The following FMNL2 variants were observed in gnomAD, a reference collection of about 807,000 sequenced individuals.
FMNL2 encodes the protein formin-like protein 2.
FMNL2 carries 51 observed loss-of-function variants against 130.2 expected under a neutral mutation model. The observed-to-expected ratio is 0.39, with a 90% confidence interval of 0.31 to 0.49. The LOEUF (loss-of-function observed/expected upper bound fraction) is 0.49. FMNL2 is among the 20% of genes least tolerant of loss of function. FMNL2 has a pLI of 0.85. For synonymous variants in FMNL2, 465 were observed against 467.1 expected, an observed-to-expected ratio of 1.00 and a Z score of 0.06; for missense variants, 977 against 1,316.2, an observed-to-expected ratio of 0.74 and a Z score of 3.99.
chr2:152,626,846 C>T (rs1175808995), intron 17 of FMNL2, 119 bp downstream of exon 17: 1 of 1,092,394 alleles, frequency 9.2e-7, no homozygotes, highest in Non-Finnish European at 1.3e-6. Flanking sequence ...AAAGCTGGAG[C>T]AATTTTTGAT....
intron 6 of FMNL2, among the ~76,000 whole-genome samples, chr2:152,562,306 A>C (rs1440464750): frequency 6.6e-6 from 1 of 152,140 alleles, no homozygotes; most frequent in African/African-American, 2.4e-5. Context: ...TATTTCAGGC[A>C]TGATCTGGCA....
intron 9 of FMNL2, among the ~76,000 whole-genome samples, chr2:152,585,920 CAAAA>C (rs34744900): frequency 1.3e-4 from 17 of 129,996 alleles, no homozygotes; most frequent in Admixed American, 3.2e-4. Context: ...AAAGGTTTGG[CAAAA>C]AAAAAAAAAA....
intron 9 of FMNL2, among the ~76,000 whole-genome samples, chr2:152,601,281 T>G (rs571111215): frequency 1.4e-5 from 2 of 147,484 alleles, no homozygotes; most frequent in Non-Finnish European, 3.0e-5. Context: ...CTGATGGCTT[T>G]CTTTCTTTTC....
chr2:152,335,798 T>G, intron 1 of FMNL2, 78 bp downstream of exon 1: 4 of 1,058,532 alleles, frequency 3.8e-6, no homozygotes, highest in Non-Finnish European at 2.6e-6. Flanking sequence ...GCCCCTCCCC[T>G]TCACCCCGTG....
At chr2:152,404,197 G>T (rs1240667931) in intron 1 of FMNL2, among the ~76,000 whole-genome samples, 1 of 152,140 alleles carries the variant, frequency 6.6e-6, no homozygotes, top group African/African-American at 2.4e-5. Flanking sequence ...CCCAGAACAT[G>T]TTTATTGAAT....
At chr2:152,604,930 G>T (rs1580076687) in intron 9 of FMNL2, among the ~76,000 whole-genome samples, 1 of 140,834 alleles carries the variant, frequency 7.1e-6, no homozygotes, top group Non-Finnish European at 1.6e-5. Context: ...AATTCACATT[G>T]CAGTTCTGAC....
intron 9 of FMNL2, among the ~76,000 whole-genome samples, chr2:152,603,297 A>G (rs1232515189): frequency 1.3e-5 from 2 of 151,916 alleles, no homozygotes; most frequent in Middle Eastern, 3.2e-3. Flanking sequence ...GTTGCTTTCA[A>G]GGTTTCCCAA....
intron 1 of FMNL2, among the ~76,000 whole-genome samples, chr2:152,488,899 C>A (rs79742134): frequency 1.3e-4 from 19 of 151,692 alleles, no homozygotes; most frequent in African/African-American, 4.6e-4. Context: ...GCAACATAGA[C>A]TCCATCTACA....
At chr2:152,552,748 A>T (rs939420822) in intron 4 of FMNL2, among the ~76,000 whole-genome samples, 11 of 152,188 alleles carry the variant, frequency 7.2e-5, no homozygotes, top group Admixed American at 5.9e-4. Flanking sequence ...AATGATCCAC[A>T]TAGTGTTAGA....
intron 20 of FMNL2, 53 bp from the exon 21 acceptor site, chr2:152,631,955 T>C: frequency 6.4e-7 from 1 of 1,557,746 alleles, no homozygotes; most frequent in Non-Finnish European, 8.7e-7. Context: ...GAGGGGTAAG[T>C]GTCTTGTTAC....
At chr2:152,457,562 C>A (rs1689022750) in intron 1 of FMNL2, among the ~76,000 whole-genome samples, 1 of 152,164 alleles carries the variant, frequency 6.6e-6, no homozygotes, top group Non-Finnish European at 1.5e-5. Flanking sequence ...TCTCTCAACT[C>A]TTTGTGGTGG....
chr2:152,545,346 T>C (rs1170208195), intron 3 of FMNL2, among the ~76,000 whole-genome samples: 1 of 152,216 alleles, frequency 6.6e-6, no homozygotes, highest in Non-Finnish European at 1.5e-5. Flanking sequence ...TTTAACTGTG[T>C]CTGGAGTCCT....
chr2:152,543,529 A>G (rs1235395744), intron 3 of FMNL2, among the ~76,000 whole-genome samples: 1 of 152,048 alleles, frequency 6.6e-6, no homozygotes, highest in Admixed American at 6.6e-5. Context: ...CCATTGACCT[A>G]CAACTCCTGC....
intron 9 of FMNL2, among the ~76,000 whole-genome samples, chr2:152,587,550 A>C (rs1470139660): frequency 6.6e-6 from 1 of 152,234 alleles, no homozygotes; most frequent in Non-Finnish European, 1.5e-5. Context: ...TAAAAAAGAT[A>C]GTTTTTAATT....
At chr2:152,396,297 T>C (rs1411212020) in intron 1 of FMNL2, among the ~76,000 whole-genome samples, 1 of 152,214 alleles carries the variant, frequency 6.6e-6, no homozygotes, top group Non-Finnish European at 1.5e-5. Flanking sequence ...AGTCATATAC[T>C]ATACTTGCTA....
chr2:152,614,708 A>G (rs916174513), intron 11 of FMNL2, 143 bp from the exon 12 acceptor site: 7 of 753,842 alleles, frequency 9.3e-6, no homozygotes, highest in Non-Finnish European at 1.4e-5. Context: ...ATACCATTCC[A>G]CTCCAGCCTG....
At chr2:152,551,155 A>G (rs1694916851) in intron 4 of FMNL2, among the ~76,000 whole-genome samples, 2 of 151,984 alleles carry the variant, frequency 1.3e-5, no homozygotes, top group African/African-American at 4.8e-5. Context: ...AAAAAAAAAA[A>G]AAAAGCATTT....
intron 1 of FMNL2, among the ~76,000 whole-genome samples, chr2:152,427,335 T>G (rs1687251668): frequency 6.6e-6 from 1 of 152,072 alleles, no homozygotes; most frequent in Non-Finnish European, 1.5e-5. Context: ...TCACTTGAGG[T>G]CAGGAGTTCG....
intron 1 of FMNL2, among the ~76,000 whole-genome samples, chr2:152,502,823 A>AG (rs1691923569): frequency 6.6e-6 from 1 of 152,140 alleles, no homozygotes. Flanking sequence ...TTCTTGTATA[A>AG]GGGGGTTTAT....
Sources: gnomAD v4.1 joint callset for allele counts (sites outside exome capture counted in the v4.1 genomes callset) on GRCh38, gnomAD v4.1.1 for gene constraint, MANE v1.5 for transcripts, NCBI Gene and HGNC (gene_info 2026-07-23, HGNC 2026-07-21) for gene names.